The following PLGRKT variants were observed in gnomAD, a reference collection of about 807,000 sequenced individuals.
PLGRKT encodes the protein plasminogen receptor (KT).
PLGRKT carries 22 observed loss-of-function variants against 18.5 expected under a neutral mutation model. That is an observed-to-expected ratio of 1.19 (90% CI 0.85 to 1.70). The LOEUF (loss-of-function observed/expected upper bound fraction) is 1.70. PLGRKT is among the 40% of genes most tolerant of loss of function. The pLI is 0.00. For synonymous variants in PLGRKT, 72 were observed against 52.8 expected, an observed-to-expected ratio of 1.36 and a Z score of -1.58; for missense variants, 235 against 174.4, an observed-to-expected ratio of 1.35 and a Z score of -1.96.
intron 3 of PLGRKT, among the ~76,000 whole-genome samples, chr9:5,417,768 A>T (rs2131154643): frequency 6.6e-6 from 1 of 152,168 alleles, no homozygotes; most frequent in Non-Finnish European, 1.5e-5. Flanking sequence ...TCACAACAAA[A>T]CACAACACAT....
In PLGRKT at chr9:5,418,490, A is replaced by G. The variant is rs1206525331; in HGVS notation, c.81+13407T>C. 4 of 1,111,982 alleles carry G rather than the reference A, an allele frequency of 3.6e-6. No homozygotes were observed. Among genetic ancestry groups the G allele is most frequent in the Non-Finnish European group, 5.5e-6 (4 of 729,426 alleles). The allele number at this position is 1,111,982 out of a possible 1,614,324, so 68.9% of individuals were successfully genotyped here. Reference sequence around the variant, plus strand: ...ACAGTGCACACCCTCAACCACATGGAGCTTTTCACCATGCCCCGCCTGTCC... The same window carrying G: ...ACAGTGCACACCCTCAACCACATGGGGCTTTTCACCATGCCCCGCCTGTCC... On this transcript the variant is annotated intron_variant, in intron 3 of 5. Coordinates refer to ENST00000223864, the MANE Select transcript of PLGRKT (RefSeq NM_018465.4). The surrounding 1 kb of genome is among the most constrained non-coding windows in gnomAD (Gnocchi z 4.2).
intron 3 of PLGRKT, among the ~76,000 whole-genome samples, chr9:5,396,470 T>G (rs1462245803): frequency 6.8e-6 from 1 of 147,862 alleles, no homozygotes; most frequent in Admixed American, 6.7e-5. Flanking sequence ...ATTTTTAGTA[T>G]TTTTAATAGA....
At chr9:5,428,832 G>T (rs2131172961) in intron 3 of PLGRKT, among the ~76,000 whole-genome samples, 1 of 152,230 alleles carries the variant, frequency 6.6e-6, no homozygotes, top group Admixed American at 6.5e-5. Context: ...CTGTGTAGCT[G>T]GGACTATAGT....
In PLGRKT at chr9:5,418,267, C is replaced by A; in HGVS notation, c.81+13630G>T. The A allele has an allele frequency of 2.3e-6, 1 of 438,662 alleles. No homozygotes were observed. The highest frequency in any genetic ancestry group is 4.4e-6 in the Non-Finnish European group (1 of 229,736). The allele number at this position is 438,662 out of a possible 1,614,324, so 27.2% of individuals were successfully genotyped here. A position where few individuals can be genotyped will look rare whatever the true frequency, so the allele number is the denominator to read the frequency against. ...CAAACCAGAGGCCAGCTCTCAGCAC[C>A]AAATGGTCAGTGTCGCCCCCTCATC... On this transcript the variant is annotated intron_variant, in intron 3 of 5. Coordinates refer to ENST00000223864, the MANE Select transcript of PLGRKT (RefSeq NM_018465.4). This position sits in a 1 kb window ranked among gnomAD's most constrained non-coding sequence, Gnocchi z 4.2.
intron 3 of PLGRKT, among the ~76,000 whole-genome samples, chr9:5,428,397 T>C (rs1435019703): frequency 6.6e-6 from 1 of 152,146 alleles, no homozygotes; most frequent in East Asian, 1.9e-4. Flanking sequence ...AGTGCCAAAG[T>C]CTACTTGGTC....
intron 3 of PLGRKT, among the ~76,000 whole-genome samples, chr9:5,398,437 G>T (rs1357289310): frequency 6.6e-6 from 1 of 151,974 alleles, no homozygotes; most frequent in African/African-American, 2.4e-5. Flanking sequence ...GTGACACAAG[G>T]TTTTGCCTGG....
intron 3 of PLGRKT, among the ~76,000 whole-genome samples, chr9:5,405,832 T>C (rs1343619424): frequency 6.6e-6 from 1 of 152,012 alleles, no homozygotes; most frequent in Non-Finnish European, 1.5e-5. Flanking sequence ...ACCTACAGAA[T>C]AGAAGAAAAT....
intron 3 of PLGRKT, among the ~76,000 whole-genome samples, chr9:5,379,421 G>A (rs1046771981): frequency 1.3e-5 from 2 of 152,132 alleles, no homozygotes; most frequent in African/African-American, 4.8e-5. Context: ...TTTACATTAA[G>A]ATTAATTAAA....
chr9:5,361,821 G>C lies in PLGRKT; in HGVS notation c.149C>G (p.Ser50Cys), dbSNP rs371386035. Residue 50 changes from serine (S) to cysteine (C), a missense_variant, in exon 4 of 6, where the codon TCT becomes TGT. Transcript: ENST00000223864. ...ERQMAMQIAW[S>C]REFLKYFGTF... ...TCCAAAATATTTGAGGAATTCCCGA[G>C]ACCACGCAATCTGCATGGCCATTTG... 2 of 1,613,126 alleles carry C rather than the reference G, an allele frequency of 1.2e-6. No individual in the cohort carries two copies. Among genetic ancestry groups the C allele is most frequent in the Non-Finnish European group, 1.7e-6 (2 of 1,179,488 alleles).
At chr9:5,378,150 AACCAAGGGCTACCAGAC>A (rs879870002) in intron 3 of PLGRKT, among the ~76,000 whole-genome samples, 57 of 152,342 alleles carry the variant, frequency 3.7e-4, no homozygotes, top group Middle Eastern at 6.8e-3. Context: ...TTGAACAGGC[AACCAAGGGCTACCAGAC>A]ATTTGAGGGA....
chr9:5,411,401 A>AAG (rs1554632365), intron 3 of PLGRKT, among the ~76,000 whole-genome samples: 3 of 146,298 alleles, frequency 2.1e-5, no homozygotes, highest in African/African-American at 5.0e-5. Context: ...AAAAAAAAAG[A>AAG]AAAGAAAAGA....
At chr9:5,388,084 C>G (rs891601632) in intron 3 of PLGRKT, among the ~76,000 whole-genome samples, 2 of 151,760 alleles carry the variant, frequency 1.3e-5, no homozygotes, top group South Asian at 2.1e-4. Flanking sequence ...ATCAGTTATG[C>G]GGGAGTTATT....
In PLGRKT at chr9:5,394,589, T is replaced by A. The variant is rs1818010617; in HGVS notation, c.82-32701A>T. ...CACCATGCCCGGCTAATTTTTGTAT[T>A]TTCAGTAGAGGCAGAGTCTCACCAT... On this transcript the variant is annotated intron_variant, in intron 3 of 5. Coordinates refer to ENST00000223864, the MANE Select transcript of PLGRKT (RefSeq NM_018465.4). 4.0e-5 allele frequency among the ~76,000 whole-genome samples: 6 copies of A among 151,736 alleles called. No individual in the cohort carries two copies. The South Asian group carries it at 1.2e-3, about 31-fold the overall frequency.
intron 3 of PLGRKT, among the ~76,000 whole-genome samples, chr9:5,429,754 G>A (rs1022379064): frequency 6.6e-6 from 1 of 152,138 alleles, no homozygotes; most frequent in African/African-American, 2.4e-5. Flanking sequence ...ATAGGTTAAG[G>A]CTTCAACATA....
intron 3 of PLGRKT, among the ~76,000 whole-genome samples, chr9:5,399,487 C>T (rs573255590): frequency 1.3e-5 from 2 of 151,594 alleles, no homozygotes; most frequent in East Asian, 1.9e-4. Context: ...TTAGATTGTC[C>T]GGTCCTTGCA....
In PLGRKT at chr9:5,420,640, G is replaced by A. The variant is rs77060769; in HGVS notation, c.81+11257C>T. Among the ~76,000 whole-genome samples, 427 of 152,242 alleles carry A rather than the reference G, an allele frequency of 2.8e-3. 1 individual carries two copies. The highest frequency in any genetic ancestry group is 4.6e-3 in the South Asian group (22 of 4,822). On this transcript the variant is annotated intron_variant, in intron 3 of 5. Transcript: ENST00000223864. ...AGAAAGACACTTCCAGGTTAAGTCCGCTCATACTTCTAGTCTCTGGGCCAA... is the reference window on the plus strand; with the variant it reads ...AGAAAGACACTTCCAGGTTAAGTCCACTCATACTTCTAGTCTCTGGGCCAA...
intron 5 of PLGRKT, among the ~76,000 whole-genome samples, chr9:5,359,367 T>C (rs35951985): frequency 0.011 from 1,599 of 152,236 alleles, 14 homozygotes; most frequent in Middle Eastern, 0.034. Flanking sequence ...AACACACTAT[T>C]AATTGTACTC....
At chr9:5,417,351 T>C (rs1818482502) in intron 3 of PLGRKT, among the ~76,000 whole-genome samples, 1 of 152,164 alleles carries the variant, frequency 6.6e-6, no homozygotes, top group African/African-American at 2.4e-5. Flanking sequence ...AGTTGGACCC[T>C]TACTTCATAC....
rs140356968 is a variant in PLGRKT, at chr9:5,381,189, G to A, written c.82-19301C>T. Reference sequence around the variant, plus strand: ...TGGTAGTGGGAGTTTGGAGCCAAATGTTAATAGCCAAGACAATGGGGAAAA... The same window carrying A: ...TGGTAGTGGGAGTTTGGAGCCAAATATTAATAGCCAAGACAATGGGGAAAA... On this transcript the variant is annotated intron_variant, in intron 3 of 5. Transcript: ENST00000223864. Among the ~76,000 whole-genome samples the A allele has an allele frequency of 1.8e-3, 270 of 152,354 alleles. 1 individual carries two copies. The highest frequency in any genetic ancestry group is 6.0e-3 in the African/African-American group (251 of 41,580).
Sources: allele counts gnomAD v4.1 joint callset (sites outside exome capture counted in the v4.1 genomes callset), GRCh38; gene constraint gnomAD v4.1.1; non-coding constraint Gnocchi (gnomAD v3.1); transcripts MANE v1.5; gene names NCBI Gene and HGNC (gene_info 2026-07-23, HGNC 2026-07-21).